The following IMMP2L variants were observed in gnomAD, a reference collection of about 807,000 sequenced individuals.
IMMP2L encodes the protein mitochondrial inner membrane protease subunit 2.
In IMMP2L, 18 loss-of-function variants were observed where a neutral mutation model predicts 19.3. That is an observed-to-expected ratio of 0.93 (90% CI 0.64 to 1.38). The LOEUF is 1.38. IMMP2L is among the 40% of genes most tolerant of loss of function. The pLI is 0.00. For missense variants in IMMP2L, 233 were observed against 218.2 expected (o/e 1.07, Z -0.43); for synonymous variants, 76 against 73.0 (o/e 1.04, Z -0.21).
At chr7:111,122,990 T>C in intron 3 of IMMP2L, 1 of 1,614,036 alleles carries the variant, frequency 6.2e-7, no homozygotes, top group Non-Finnish European at 8.5e-7. Flanking sequence ...AACACACAGA[T>C]TCTTCTCCTA....
intron 2 of IMMP2L, among the ~76,000 whole-genome samples, chr7:111,511,397 C>G (rs751616738): frequency 3.9e-5 from 6 of 152,076 alleles, no homozygotes; most frequent in Non-Finnish European, 7.4e-5. Context: ...TGTAATCCAG[C>G]ACTTTGGGAG....
At chr7:110,763,297 A>G (rs1281900897) in intron 5 of IMMP2L, among the ~76,000 whole-genome samples, 1 of 152,094 alleles carries the variant, frequency 6.6e-6, no homozygotes, top group Non-Finnish European at 1.5e-5. Context: ...CTTCCTATTC[A>G]ATGGAGAAGA....
intron 3 of IMMP2L, among the ~76,000 whole-genome samples, chr7:111,010,995 G>A (rs552853062): frequency 1.9e-4 from 29 of 151,930 alleles, no homozygotes; most frequent in African/African-American, 7.0e-4. Flanking sequence ...CCCAGCATGC[G>A]ATGAGTCAGG....
At chr7:111,414,066 A>G (rs1179654059) in intron 3 of IMMP2L, among the ~76,000 whole-genome samples, 1 of 151,724 alleles carries the variant, frequency 6.6e-6, no homozygotes. Flanking sequence ...AAAGTTTCAA[A>G]AACACCCCCA....
intron 1 of IMMP2L, among the ~76,000 whole-genome samples, chr7:111,534,400 C>A (rs1467696086): frequency 2.0e-5 from 3 of 151,876 alleles, no homozygotes; most frequent in African/African-American, 7.3e-5. Context: ...TAATATGAAC[C>A]CATTTATGTG....
rs1243275219 is a variant in IMMP2L, at chr7:111,002,255, G to C, written c.240-38690C>G. On this transcript the variant is annotated intron_variant, in intron 3 of 5. Coordinates refer to ENST00000405709, the MANE Select transcript of IMMP2L (RefSeq NM_032549.4). ...CCTAAGGTAATAGAAAGCCTCTCCA[G>C]CCCAGAGGGATAAGTAAGCCTGCCT... Among the ~76,000 whole-genome samples the C allele has an allele frequency of 1.3e-5, 2 of 152,132 alleles. 1 individual carries two copies. The highest frequency in any genetic ancestry group is 4.1e-4 in the South Asian group (2 of 4,826).
chr7:110,762,007 C>G (rs1188426269), intron 5 of IMMP2L, among the ~76,000 whole-genome samples: 1 of 152,106 alleles, frequency 6.6e-6, no homozygotes, highest in Admixed American at 6.6e-5. Context: ...AGACTGGGGT[C>G]CTAAAAGCAG....
intron 5 of IMMP2L, among the ~76,000 whole-genome samples, chr7:110,712,904 C>G (rs1301987890): frequency 2.8e-5 from 4 of 141,974 alleles, no homozygotes; most frequent in African/African-American, 1.1e-4. Context: ...CCTGCGCACA[C>G]TGTCTGGCAC....
intron 3 of IMMP2L, among the ~76,000 whole-genome samples, chr7:111,096,122 A>G (rs976496433): frequency 1.3e-5 from 2 of 152,164 alleles, no homozygotes; most frequent in East Asian, 3.9e-4. Flanking sequence ...TATTTGTTTA[A>G]AGCTCTACCA....
chr7:111,393,993 C>T (rs1832633927), intron 3 of IMMP2L, among the ~76,000 whole-genome samples: 1 of 152,076 alleles, frequency 6.6e-6, no homozygotes, highest in Admixed American at 6.6e-5. Flanking sequence ...TTTTTAAAAA[C>T]TGATTTCAAA....
intron 3 of IMMP2L, among the ~76,000 whole-genome samples, chr7:111,327,484 G>A (rs1825443382): frequency 6.6e-6 from 1 of 151,490 alleles, no homozygotes; most frequent in African/African-American, 2.4e-5. Flanking sequence ...TTCCTGCGAG[G>A]TACTGTAACC....
chr7:110,936,825 T>C (rs1585340532), intron 4 of IMMP2L, among the ~76,000 whole-genome samples: 1 of 152,060 alleles, frequency 6.6e-6, no homozygotes, highest in African/African-American at 2.4e-5. Context: ...ATAGACTAGA[T>C]AAAGAAAATG....
At chr7:110,762,715 G>A (rs557839088) in intron 5 of IMMP2L, among the ~76,000 whole-genome samples, 3 of 152,258 alleles carry the variant, frequency 2.0e-5, no homozygotes, top group African/African-American at 7.2e-5. Context: ...CTTATCTGCT[G>A]AACTGAGTTA....
intron 3 of IMMP2L, among the ~76,000 whole-genome samples, chr7:111,381,882 G>C (rs528584239): frequency 7.9e-5 from 12 of 152,090 alleles, no homozygotes; most frequent in African/African-American, 2.9e-4. Context: ...TCTCTGGTTT[G>C]AGAAACTGAG....
chr7:111,175,645 T>A (rs1165150251), intron 3 of IMMP2L, among the ~76,000 whole-genome samples: 1 of 151,818 alleles, frequency 6.6e-6, no homozygotes, highest in Non-Finnish European at 1.5e-5. Flanking sequence ...ATTAAAGACT[T>A]AAATCTAAGA....
intron 3 of IMMP2L, among the ~76,000 whole-genome samples, chr7:111,082,561 C>T (rs1795973318): frequency 1.3e-5 from 2 of 152,048 alleles, no homozygotes; most frequent in South Asian, 2.1e-4. Flanking sequence ...TCAGACAAAA[C>T]GAGTGGTTTC....
chr7:110,738,760 A>G lies in IMMP2L; in HGVS notation c.409-75039T>C, dbSNP rs1584672499. On this transcript the variant is annotated intron_variant, in intron 5 of 5. Coordinates refer to ENST00000405709, the MANE Select transcript of IMMP2L (RefSeq NM_032549.4). ...ATCACAAAAAGATCCTTGCCTAGGC[A>G]CATAGTCATCAGGTTATCTAAAGAC... 2.0e-5 allele frequency among the ~76,000 whole-genome samples: 3 copies of G among 152,328 alleles called. 1 individual carries two copies. The highest frequency in any genetic ancestry group is 7.2e-5 in the African/African-American group (3 of 41,582).
intron 3 of IMMP2L, among the ~76,000 whole-genome samples, chr7:111,446,966 G>A (rs1197856938): frequency 6.7e-6 from 1 of 150,332 alleles, no homozygotes; most frequent in Non-Finnish European, 1.5e-5. Flanking sequence ...AGCAATGGAA[G>A]ATGAAACGAA....
rs1804526011 is a variant in IMMP2L at position 110,836,765 on chromosome 7, T to C, written c.408+49828A>G. ...TGGTTGTTTGCCCTTGTGCTTTAGG[T>C]GGCTGATGTGGTATAATGAAACATA... On this transcript the variant is annotated intron_variant, in intron 5 of 5. Coordinates refer to ENST00000405709, the MANE Select transcript of IMMP2L (RefSeq NM_032549.4). 4.6e-5 allele frequency among the ~76,000 whole-genome samples: 7 copies of C among 152,278 alleles called. No homozygotes were observed. In the South Asian group the frequency reaches 1.4e-3, roughly 32 times the overall value.
Sources: gnomAD v4.1 joint callset for allele counts (sites outside exome capture counted in the v4.1 genomes callset) on GRCh38, gnomAD v4.1.1 for gene constraint, MANE v1.5 for transcripts, NCBI Gene and HGNC (gene_info 2026-07-23, HGNC 2026-07-21) for gene names.